The following PHF21B variants were observed in gnomAD, a reference collection of about 807,000 sequenced individuals.
PHF21B encodes PHD finger protein 4.
Under a neutral mutation model 62.2 loss-of-function variants are expected in PHF21B, and 22 were observed. That is an observed-to-expected ratio of 0.35 (90% CI 0.25 to 0.51). PHF21B has a LOEUF of 0.51. PHF21B is among the 20% of genes least tolerant of loss of function. PHF21B has a pLI of 0.97. For missense variants in PHF21B, 701 were observed against 707.9 expected, an observed-to-expected ratio of 0.99 and a Z score of 0.11; for synonymous variants, 341 against 314.7, an observed-to-expected ratio of 1.08 and a Z score of -0.88.
chr22:44,972,308 A>C (rs2072653752), intron 2 of PHF21B, among the ~76,000 whole-genome samples: 2 of 152,160 alleles, frequency 1.3e-5, no homozygotes, highest in South Asian at 4.1e-4. Flanking sequence ...TTTTCTTTTG[A>C]CTTTGGTAAA....
At chr22:44,901,217 G>A (rs1489695205) in intron 5 of PHF21B, among the ~76,000 whole-genome samples, 2 of 152,190 alleles carry the variant, frequency 1.3e-5, no homozygotes, top group African/African-American at 4.8e-5. Flanking sequence ...TAACTAACTG[G>A]ACAGTGGCAG....
At chr22:44,986,160 ACCATCACCATGAGCACCC>A (rs527977991) in intron 2 of PHF21B, among the ~76,000 whole-genome samples, 2,937 of 151,334 alleles carry the variant, frequency 0.019, 99 homozygotes, top group African/African-American at 0.067. Flanking sequence ...CATGAGCACC[ACCATCACCATGAGCACCC>A]CCATCACCAG....
intron 2 of PHF21B, among the ~76,000 whole-genome samples, chr22:44,957,786 G>T (rs1274703117): frequency 2.0e-5 from 3 of 152,046 alleles, no homozygotes; most frequent in Non-Finnish European, 4.4e-5. Context: ...TATTTCAGTA[G>T]AATGCCTCAC....
chr22:44,932,622 C>CTCCG, intron 2 of PHF21B, among the ~76,000 whole-genome samples: 1 of 152,268 alleles, frequency 6.6e-6, no homozygotes, highest in Non-Finnish European at 1.5e-5. Context: ...TCATCCCCAC[C>CTCCG]TCCGACGGCC....
At chr22:44,931,365 G>A (rs776655005) in intron 2 of PHF21B, among the ~76,000 whole-genome samples, 1 of 152,208 alleles carries the variant, frequency 6.6e-6, no homozygotes, top group Non-Finnish European at 1.5e-5. Context: ...CACCCGGCTC[G>A]GTCTCGGTGA....
rs538334918 is a variant in PHF21B, at chr22:45,008,391, G to C, written c.120+154C>G. On this transcript the variant is annotated intron_variant, in intron 2 of 12. Coordinates refer to ENST00000313237, the MANE Select transcript of PHF21B (RefSeq NM_138415.5). ...CGAGAACCCGGCTCTTTCTTTCCAG[G>C]AAAGGGGAGGGGTGGGGAACTTTGA... 7.8e-6 allele frequency: 5 copies of C among 641,332 alleles called. No homozygotes were observed. The African/African-American group carries it at 9.6e-5, about 12-fold the overall frequency. 39.7% of individuals were successfully genotyped at this position (641,332 alleles called of 1,614,324 possible). A position where few individuals can be genotyped will look rare whatever the true frequency, so the allele number is the denominator to read the frequency against.
chr22:44,978,399 G>A (rs1426812967), intron 2 of PHF21B, among the ~76,000 whole-genome samples: 6 of 152,128 alleles, frequency 3.9e-5, no homozygotes, highest in African/African-American at 1.4e-4. Flanking sequence ...TCCCTGCGAT[G>A]CCCAGGCTGG....
At chr22:44,893,637 G>A in intron 6 of PHF21B, 104 bp from the exon 7 acceptor site, 1 of 1,114,632 alleles carries the variant, frequency 9.0e-7, no homozygotes, top group Non-Finnish European at 1.3e-6. Context: ...CTGCTCTGAA[G>A]CCTCTCTGTG....
At chr22:44,905,525 T>A (rs534561945) in intron 5 of PHF21B, among the ~76,000 whole-genome samples, 1 of 152,354 alleles carries the variant, frequency 6.6e-6, no homozygotes, top group African/African-American at 2.4e-5. Context: ...TGGAATAAAT[T>A]CATGTTCGAA....
Position 44,920,475 on chromosome 22 carries a change from T to C in PHF21B, c.136A>G (p.Thr46Ala), listed in dbSNP as rs760115137. 1 of 1,610,960 alleles carries C rather than the reference T, an allele frequency of 6.2e-7. No individual in the cohort carries two copies. The highest frequency in any genetic ancestry group is 8.5e-7 in the Non-Finnish European group (1 of 1,178,184). The change falls in exon 3 of 13, where the codon ACT becomes GCT. Residue 46 changes from threonine to alanine, a missense_variant. Transcript: ENST00000313237. ...TGAGGACCCGTGACAGGCACTGCAG[T>C]GATCGTTCCCAAAGCCTGAAACATA... ...LSDKQALGTI[T>A]AVPVTGPQVS...
intron 5 of PHF21B, among the ~76,000 whole-genome samples, chr22:44,910,586 G>A (rs1430700557): frequency 6.7e-6 from 1 of 149,020 alleles, no homozygotes; most frequent in Non-Finnish European, 1.5e-5. Flanking sequence ...GAGTTTCCCT[G>A]CACAAGCTCT....
chr22:44,942,584 C>T (rs992085166), intron 2 of PHF21B, among the ~76,000 whole-genome samples: 1 of 152,196 alleles, frequency 6.6e-6, no homozygotes, highest in East Asian at 1.9e-4. Context: ...GTGCTCCAGG[C>T]TGCCCTAGGA....
At chr22:44,898,346 C>T (rs1789089247) in intron 5 of PHF21B, among the ~76,000 whole-genome samples, 1 of 152,112 alleles carries the variant, frequency 6.6e-6, no homozygotes, top group Admixed American at 6.5e-5. Flanking sequence ...ACCTTCTCAT[C>T]ACATCGCAGC....
intron 2 of PHF21B, among the ~76,000 whole-genome samples, chr22:44,939,842 G>A (rs935605613): frequency 6.6e-6 from 1 of 152,188 alleles, no homozygotes; most frequent in Admixed American, 6.5e-5. Flanking sequence ...TGAATAAGAG[G>A]CTGCCCACGG....
At chr22:44,975,000 G>A (rs1307064692) in intron 2 of PHF21B, among the ~76,000 whole-genome samples, 2 of 152,120 alleles carry the variant, frequency 1.3e-5, no homozygotes, top group Non-Finnish European at 2.9e-5. Flanking sequence ...AGAATCCTCA[G>A]ACATCCTCCT....
rs2071430939 is a variant in PHF21B at position 44,916,307 on chromosome 22, C to T, written c.537G>A (p.Gln179=). Residue 179 remains glutamine (Q), a synonymous_variant, in exon 4 of 13, where the codon CAG becomes CAA. Transcript: ENST00000313237. ...TGTTGTCAGCACTGATGAGGAGGGG[C>T]TGGACTTTGATGCTGTCACTGACCA... ...VSVVSDSIKV[Q]PLLISADNKP... 6.2e-7 allele frequency: 1 copy of T among 1,603,282 alleles called. No individual in the cohort carries two copies.
At chr22:44,890,766 G>A (rs1338672690) in intron 8 of PHF21B, among the ~76,000 whole-genome samples, 1 of 152,242 alleles carries the variant, frequency 6.6e-6, no homozygotes, top group Non-Finnish European at 1.5e-5. Context: ...GAGGCCTGAG[G>A]CCAGGTTCCA....
chr22:44,992,986 G>A (rs1032073580), intron 2 of PHF21B, among the ~76,000 whole-genome samples: 1 of 152,170 alleles, frequency 6.6e-6, no homozygotes. Flanking sequence ...AATCCACCAA[G>A]TCCAACAGGG....
chr22:44,894,070 A>G (rs928722636), intron 6 of PHF21B, among the ~76,000 whole-genome samples: 1 of 152,154 alleles, frequency 6.6e-6, no homozygotes, highest in African/African-American at 2.4e-5. Context: ...ACCCCCAGGC[A>G]GGACCCATGA....
Sources: allele counts gnomAD v4.1 joint callset (sites outside exome capture counted in the v4.1 genomes callset), GRCh38; gene constraint gnomAD v4.1.1; transcripts MANE v1.5; gene names NCBI Gene and HGNC (gene_info 2026-07-23, HGNC 2026-07-21).